Variants in MYO1F observed in about 807,000 individuals in gnomAD.
The protein encoded by MYO1F is unconventional myosin-If.
MYO1F carries 60 observed loss-of-function variants against 146.6 expected under a neutral mutation model. The ratio of observed to expected loss-of-function variants is 0.41; its 90% CI spans 0.33 to 0.51. The LOEUF is 0.51. Ranked by LOEUF, MYO1F falls within the 20% of genes least tolerant of loss-of-function variation. MYO1F has a pLI of 0.25. For missense variants in MYO1F, 1,274 were observed against 1,534.3 expected, an observed-to-expected ratio of 0.83 and a Z score of 2.83; for synonymous variants, 602 against 602.1, an observed-to-expected ratio of 1.00 and a Z score of 0.00.
rs749028387 is a variant in MYO1F at position 8,554,518 on chromosome 19, C to T, written c.285G>A (p.Arg95=). 2.2e-5 allele frequency: 35 copies of T among 1,613,422 alleles called. No individual in the cohort carries two copies. Among genetic ancestry groups the T allele is most frequent in the African/African-American group, 1.1e-4 (8 of 74,874 alleles). Residue 95 remains arginine (R), a synonymous_variant, in exon 4 of 28, where the codon CGG becomes CGA. Transcript: ENST00000644032. ...GGTTCTCACAGTCGATAAGCATGTT[C>T]CGGTACATGTTGTCCGTGAGGGCGT... is the stretch of plus-strand genomic sequence containing the variant. ...HIYALTDNMY[R]NMLIDCENQC... is the part of the protein sequence containing the mutation.
In MYO1F at chr19:8,523,180, T is replaced by C. The variant is rs528794222; in HGVS notation, c.2855-351A>G. ...CCGAGTAGCTGGGACTACAGGCACCTGCCACCACGCCTGGATAATTTTTTA... is the reference window on the plus strand; with the variant it reads ...CCGAGTAGCTGGGACTACAGGCACCCGCCACCACGCCTGGATAATTTTTTA... On this transcript the variant is annotated intron_variant, in intron 25 of 27. Coordinates refer to ENST00000644032, the MANE Select transcript of MYO1F (RefSeq NM_012335.4). 2.8e-4 allele frequency among the ~76,000 whole-genome samples: 43 copies of C among 151,774 alleles called. 1 individual carries two copies. Among genetic ancestry groups the C allele is most frequent in the South Asian group, 6.3e-4 (3 of 4,794 alleles).
intron 1 of MYO1F, among the ~76,000 whole-genome samples, chr19:8,572,565 T>A (rs762086621): frequency 6.0e-4 from 92 of 152,186 alleles, no homozygotes; most frequent in Non-Finnish European, 9.4e-4. Context: ...ACTGTGCCCG[T>A]GCCCAGTTAG....
chr19:8,526,646 C>A, intron 23 of MYO1F, 45 bp from the exon 24 acceptor site: 1 of 1,561,936 alleles, frequency 6.4e-7, no homozygotes, highest in Non-Finnish European at 8.7e-7. Context: ...TGAGGTCCCC[C>A]GCCCCACCCA....
In MYO1F at chr19:8,530,170, G is replaced by C. The variant is rs1405289806; in HGVS notation, c.2328+26C>G. The C allele has an allele frequency of 1.9e-6, 3 of 1,613,720 alleles. No individual in the cohort carries two copies. ...GGTGCCAGGCTGTAGTCAGGGTCTT[G>C]CTGTGCCCACCCACTAGTGCCTCAC... On this transcript the variant is annotated intron_variant, in intron 21 of 27. Transcript: ENST00000644032. This position sits in a 1 kb window ranked among gnomAD's most constrained non-coding sequence, Gnocchi z 5.8.
chr19:8,555,839 A>G (rs572388534), intron 1 of MYO1F, 43 bp from the exon 2 acceptor site: 1 of 1,582,314 alleles, frequency 6.3e-7, no homozygotes, highest in African/African-American at 1.3e-5. Context: ...TTGCACGGGG[A>G]TGCGGCACCT....
chr19:8,526,273 G>T (rs1301269631), intron 24 of MYO1F, among the ~76,000 whole-genome samples, 180 bp downstream of exon 24: 1 of 152,208 alleles, frequency 6.6e-6, no homozygotes, highest in African/African-American at 2.4e-5. Flanking sequence ...GTTGCGGTGA[G>T]CCAAGATCGT....
chr19:8,567,703 T>C (rs10416597), intron 1 of MYO1F, among the ~76,000 whole-genome samples: 73,129 of 152,160 alleles, frequency 0.48, 18,675 homozygotes, highest in East Asian at 0.65. Context: ...AGAGGTTAAG[T>C]GTCCTCTTCA....
Position 8,553,362 on chromosome 19 carries a change from G to T in MYO1F, c.402C>A (p.Gly134=). The change falls in exon 5 of 28, where the codon GGC becomes GGA. Residue 134 remains glycine, a synonymous_variant. Transcript: ENST00000644032. ...TTCCTCGTCTCACCTGGACCTTCTC[G>T]CCTCCGCCAGACACCTTGGAGATGT... The part of the protein sequence containing the change: ...MGYISKVSGG[G]EKVQHVKDII... 6.2e-7 allele frequency: 1 copy of T among 1,614,026 alleles called. No homozygotes were observed. The highest frequency in any genetic ancestry group is 8.5e-7 in the Non-Finnish European group (1 of 1,180,014).
At chr19:8,554,315 C>T (rs1028652411) in intron 4 of MYO1F, among the ~76,000 whole-genome samples, 162 bp downstream of exon 4, 3 of 152,026 alleles carry the variant, frequency 2.0e-5, no homozygotes, top group Non-Finnish European at 4.4e-5. Flanking sequence ...TAAAATACAT[C>T]GTGAGTCAGA....
chr19:8,548,396 G>T, intron 10 of MYO1F, 79 bp from the exon 11 acceptor site: 1 of 1,356,534 alleles, frequency 7.4e-7, no homozygotes, highest in Non-Finnish European at 1.0e-6. Flanking sequence ...TTAGACACAC[G>T]CCTAGCCAAC....
chr19:8,529,194 T>C (rs938065755), intron 21 of MYO1F, among the ~76,000 whole-genome samples: 15 of 152,006 alleles, frequency 9.9e-5, no homozygotes, highest in African/African-American at 3.6e-4. Context: ...GTAAAGATGG[T>C]ATATAGGTGA....
At chr19:8,561,870 C>T (rs968842351) in intron 1 of MYO1F, among the ~76,000 whole-genome samples, 1 of 151,816 alleles carries the variant, frequency 6.6e-6, no homozygotes, top group African/African-American at 2.4e-5. Flanking sequence ...GCGCGCACCA[C>T]CACACCCGGC....
At chr19:8,567,759 G>T (rs1315313858) in intron 1 of MYO1F, among the ~76,000 whole-genome samples, 1 of 152,214 alleles carries the variant, frequency 6.6e-6, no homozygotes, top group African/African-American at 2.4e-5. Flanking sequence ...GACCCACGAA[G>T]CTGTCCTTCC....
At chr19:8,529,057 A>G (rs1972379482) in intron 21 of MYO1F, among the ~76,000 whole-genome samples, 1 of 152,164 alleles carries the variant, frequency 6.6e-6, no homozygotes, top group African/African-American at 2.4e-5. Context: ...TGGGTGGATC[A>G]GGTGAAGGTA....
chr19:8,573,498 T>C (rs1555732486), intron 1 of MYO1F, among the ~76,000 whole-genome samples: 1 of 151,972 alleles, frequency 6.6e-6, no homozygotes, highest in Non-Finnish European at 1.5e-5. Context: ...GCATCAGCCT[T>C]CCTTACATTC....
At chr19:8,544,044 GT>G in intron 14 of MYO1F, 1 of 448,436 alleles carries the variant, frequency 2.2e-6, no homozygotes. Context: ...GGCGGTGCTG[GT>G]GGTGGTGGTG....
chr19:8,561,643 T>A (rs1974136863), intron 1 of MYO1F, among the ~76,000 whole-genome samples: 1 of 148,674 alleles, frequency 6.7e-6, no homozygotes, highest in African/African-American at 2.5e-5. Flanking sequence ...TTTCCTTCTT[T>A]CCTTCCATTT....
intron 1 of MYO1F, among the ~76,000 whole-genome samples, chr19:8,562,469 A>G (rs931032619): frequency 3.9e-5 from 6 of 151,930 alleles, no homozygotes; most frequent in Non-Finnish European, 1.5e-5. Flanking sequence ...CACTGGGCCC[A>G]GCTGGGAGAT....
At chr19:8,559,551 A>T (rs1600023471) in intron 1 of MYO1F, among the ~76,000 whole-genome samples, 1 of 152,160 alleles carries the variant, frequency 6.6e-6, no homozygotes, top group South Asian at 2.1e-4. Context: ...CCCAGGGTTG[A>T]TGAGAGGATG....
Sources: gnomAD v4.1 joint callset for allele counts (sites outside exome capture counted in the v4.1 genomes callset) on GRCh38, gnomAD v4.1.1 for gene constraint, Gnocchi (gnomAD v3.1) non-coding constraint, MANE v1.5 for transcripts, NCBI Gene and HGNC (gene_info 2026-07-23, HGNC 2026-07-21) for gene names.